Variants in RASSF2 observed in about 807,000 individuals in gnomAD.
The protein encoded by RASSF2 is ras association domain-containing protein 2.
A neutral mutation model predicts 46.3 loss-of-function variants in RASSF2; 34 were observed. That is an observed-to-expected ratio of 0.73 (90% CI 0.56 to 0.98). The LOEUF (loss-of-function observed/expected upper bound fraction) is 0.98. Among genes scored for constraint, RASSF2 ranks in the 50% least tolerant of loss-of-function variants. The pLI is 0.00. For synonymous variants in RASSF2, 158 were observed against 162.5 expected (o/e 0.97, Z 0.21); for missense variants, 364 against 431.2 (o/e 0.84, Z 1.38).
Position 4,790,518 on chromosome 20 carries a change from G to A in RASSF2, c.470C>T (p.Thr157Met), listed in dbSNP as rs149919336. 3.3e-5 allele frequency: 50 copies of A among 1,532,844 alleles called. No individual in the cohort carries two copies. Among genetic ancestry groups the A allele is most frequent in the East Asian group, 1.8e-4 (7 of 38,020 alleles). The allele number at this position is 1,532,844 out of a possible 1,614,324, so 95.0% of individuals were successfully genotyped here. A position where few individuals can be genotyped will look rare whatever the true frequency, so the allele number is the denominator to read the frequency against. The change falls in exon 7 of 12, where the codon ACG becomes ATG. Residue 157 changes from threonine (T) to methionine (M), a missense_variant. By Grantham distance (81) the Thr-to-Met change is moderately conservative (BLOSUM62 -1). Transcript: ENST00000379400. This position sits in a 1 kb window ranked among gnomAD's most constrained non-coding sequence, Gnocchi z 4.3. The stretch of plus-strand genomic sequence containing the variant: ...TCTGATTCGCCGCTGGTCACTAGGC[G>A]TCCTCACATTGCCACGGCGACGCAC... ...VGVRRRGNVR[T>M]PSDQRRIRRH...
chr20:4,796,081 G>A lies in RASSF2; in HGVS notation c.136-115C>T, dbSNP rs1336363163. Reference sequence around the variant, plus strand: ...TGTCCTGGCTGGGGGCCCCCAGACTGTATTCACAGGATAGGGGCAGCTGCC... The same window carrying A: ...TGTCCTGGCTGGGGGCCCCCAGACTATATTCACAGGATAGGGGCAGCTGCC... On this transcript the variant is annotated intron_variant, in intron 4 of 11. Coordinates refer to ENST00000379400, the MANE Select transcript of RASSF2 (RefSeq NM_014737.3). 1.1e-5 allele frequency: 13 copies of A among 1,145,410 alleles called. No homozygotes were observed. The East Asian group carries it at 2.7e-4, about 24-fold the overall frequency. 71.0% of individuals were successfully genotyped at this position (1,145,410 alleles called of 1,614,324 possible). A position where few individuals can be genotyped will look rare whatever the true frequency, so the allele number is the denominator to read the frequency against.
chr20:4,796,101 G>T, intron 4 of RASSF2, 135 bp from the exon 5 acceptor site: 1 of 896,030 alleles, frequency 1.1e-6, no homozygotes, highest in Non-Finnish European at 1.5e-6. Flanking sequence ...GATAGGGGCA[G>T]CTGCCCAGTT....
At chr20:4,818,639 C>G (rs1928488800) in intron 2 of RASSF2, among the ~76,000 whole-genome samples, 2 of 152,186 alleles carry the variant, frequency 1.3e-5, no homozygotes. Flanking sequence ...TCCCCCAAAG[C>G]CCCTACCAAG....
chr20:4,802,130 G>A (rs1475495668), intron 2 of RASSF2, among the ~76,000 whole-genome samples: 1 of 151,850 alleles, frequency 6.6e-6, no homozygotes, highest in Non-Finnish European at 1.5e-5. Flanking sequence ...GGAGTGCAGT[G>A]GCATGACCAT....
intron 8 of RASSF2, among the ~76,000 whole-genome samples, chr20:4,789,140 T>C (rs1302944242): frequency 6.6e-6 from 1 of 152,206 alleles, no homozygotes; most frequent in Non-Finnish European, 1.5e-5. Flanking sequence ...TCCTGCACTA[T>C]AATTTGCACG....
chr20:4,789,579 C>A lies in RASSF2; in HGVS notation c.639+17G>T. The A allele has an allele frequency of 6.2e-7, 1 of 1,609,556 alleles. No individual in the cohort carries two copies. Among genetic ancestry groups the A allele is most frequent in the South Asian group, 1.1e-5 (1 of 90,950 alleles). ...AGCTGTGACCCCATCTGTGGCCACT[C>A]AGCAAAGGGAACTTGCCTTAAATTT... On this transcript the variant is annotated intron_variant, in intron 8 of 11. Transcript: ENST00000379400.
chr20:4,796,802 C>T (rs913014235), intron 4 of RASSF2, among the ~76,000 whole-genome samples: 7 of 152,176 alleles, frequency 4.6e-5, no homozygotes. Flanking sequence ...TATTTAAGAA[C>T]TAAAATCTTG....
chr20:4,800,870 G>C (rs1926804710), intron 3 of RASSF2, 102 bp downstream of exon 3: 1 of 963,312 alleles, frequency 1.0e-6, no homozygotes, highest in Non-Finnish European at 1.7e-6. Flanking sequence ...CCACCAGTCT[G>C]ATATACAGTG....
chr20:4,780,721 CTT>C lies in RASSF2; in HGVS notation c.*3550_*3551del, dbSNP rs1601069070. On this transcript the variant is annotated 3_prime_UTR_variant, in exon 12 of 12. Transcript: ENST00000379400. The stretch of plus-strand genomic sequence containing the variant: ...GTGGCTCACGCCTGTAATCCCAACA[CTT>C]TGGGAGGCCTAGGCGGGTGGATCAC... 6.6e-6 allele frequency: 1 copy of C among 152,400 alleles called. No homozygotes were observed. Among genetic ancestry groups the C allele is most frequent in the African/African-American group, 2.4e-5 (1 of 41,578 alleles). 9.4% of individuals were successfully genotyped at this position (152,400 alleles called of 1,614,324 possible). A position where few individuals can be genotyped will look rare whatever the true frequency, so the allele number is the denominator to read the frequency against.
At chr20:4,809,775 G>A (rs908525758) in intron 2 of RASSF2, among the ~76,000 whole-genome samples, 4 of 152,182 alleles carry the variant, frequency 2.6e-5, no homozygotes, top group Non-Finnish European at 5.9e-5. Context: ...CGGGGGCAGT[G>A]GGAGGAGCTA....
At chr20:4,818,471 T>A (rs992773336) in intron 2 of RASSF2, among the ~76,000 whole-genome samples, 1 of 152,164 alleles carries the variant, frequency 6.6e-6, no homozygotes, top group Non-Finnish European at 1.5e-5. Context: ...CATGGCCCGA[T>A]GTGTGCTGGG....
In RASSF2 at chr20:4,790,916, C is replaced by A. The variant is rs1047022674; in HGVS notation, c.377-305G>T. ...ATATAAAATAGGGATAATAATAACA[C>A]CCACCTCAGAGGGTTGCTGAGGGTT... On this transcript the variant is annotated intron_variant, in intron 6 of 11. Coordinates refer to ENST00000379400, the MANE Select transcript of RASSF2 (RefSeq NM_014737.3). The surrounding 1 kb of genome is among the most constrained non-coding windows in gnomAD (Gnocchi z 4.3). 6.6e-6 allele frequency among the ~76,000 whole-genome samples: 1 copy of A among 152,130 alleles called. No individual in the cohort carries two copies. The highest frequency in any genetic ancestry group is 1.5e-5 in the Non-Finnish European group (1 of 68,024).
At position 4,792,614 on chromosome 20, in the gene RASSF2, G is replaced by A. The variant is rs1207761521; in HGVS notation, c.301C>T (p.Pro101Ser). 9.9e-6 allele frequency: 16 copies of A among 1,613,954 alleles called. No homozygotes were observed. The highest frequency in any genetic ancestry group is 1.4e-5 in the Non-Finnish European group (16 of 1,180,006). The change falls in exon 6 of 12, where the codon CCC becomes TCC. Residue 101 changes from proline to serine, a missense_variant. Physicochemically the swap from Pro to Ser is moderately conservative, Grantham distance 74. Transcript: ENST00000379400. ...ATCTGAACTTTGGGCACAGTCAGGGGCTTCAGAGTGGTTCTGGGAGTGGAG... is the reference window on the plus strand; with the variant it reads ...ATCTGAACTTTGGGCACAGTCAGGGACTTCAGAGTGGTTCTGGGAGTGGAG... ...NLGAQGTTLK[P>S]LTVPKVQISE...
At chr20:4,801,101 T>A in intron 2 of RASSF2, 39 bp from the exon 3 acceptor site, 1 of 1,551,692 alleles carries the variant, frequency 6.4e-7, no homozygotes, top group East Asian at 2.2e-5. Flanking sequence ...AAAGTCAAGT[T>A]GTGTGCTTGG....
rs566749765 is a variant in RASSF2, at chr20:4,798,780, C to T, written c.60-695G>A. On this transcript the variant is annotated intron_variant, in intron 3 of 11. Coordinates refer to ENST00000379400, the MANE Select transcript of RASSF2 (RefSeq NM_014737.3). ...GGCAGAGGTTGCAGTGAGCTGAGAT[C>T]GCGCCACTGCACTCCAGCCTGGGCA... is the stretch of plus-strand genomic sequence containing the variant. Among the ~76,000 whole-genome samples, 14 of 150,436 alleles carry T rather than the reference C, an allele frequency of 9.3e-5. 1 individual carries two copies. The highest frequency in any genetic ancestry group is 4.0e-4 in the Admixed American group (6 of 15,102).
rs985911584 is a variant in RASSF2 at position 4,783,129 on chromosome 20, T to G, written c.*1144A>C. Reference sequence around the variant, plus strand: ...CCCACACTCAGTAGCAAGATGAGGCTTCATTCTTGGAATGCATCTCCACAC... The same window carrying G: ...CCCACACTCAGTAGCAAGATGAGGCGTCATTCTTGGAATGCATCTCCACAC... On this transcript the variant is annotated 3_prime_UTR_variant, in exon 12 of 12. Coordinates refer to ENST00000379400, the MANE Select transcript of RASSF2 (RefSeq NM_014737.3). 6.6e-5 allele frequency: 10 copies of G among 152,268 alleles called. No homozygotes were observed. 9.4% of individuals were successfully genotyped at this position (152,268 alleles called of 1,614,324 possible).
chr20:4,789,176 T>A (rs1465595639), intron 8 of RASSF2, among the ~76,000 whole-genome samples: 2 of 152,178 alleles, frequency 1.3e-5, no homozygotes, highest in African/African-American at 2.4e-5. Flanking sequence ...TATTTCAAAG[T>A]AGGTTTCCCA....
chr20:4,786,308 G>T lies in RASSF2; in HGVS notation c.834C>A (p.Phe278Leu). Reference sequence around the variant, plus strand: ...TGAAGCTTTTAAGTACCGGCATCTCGAACTTTATATACTGGGCCACCTAGA... The same window carrying T: ...TGAAGCTTTTAAGTACCGGCATCTCTAACTTTATATACTGGGCCACCTAGA... Reference protein sequence around the residue: ...VTYDVAQYIKFEMPVLKSFIQ... With the variant: ...VTYDVAQYIKLEMPVLKSFIQ... The change falls in exon 11 of 12, where the codon TTC becomes TTA. Residue 278 changes from phenylalanine to leucine, a missense_variant. Transcript: ENST00000379400. The T allele has an allele frequency of 1.2e-6, 2 of 1,611,240 alleles. No homozygotes were observed. The highest frequency in any genetic ancestry group is 1.7e-6 in the Non-Finnish European group (2 of 1,177,458).
At chr20:4,810,175 C>T (rs2423025) in intron 2 of RASSF2, among the ~76,000 whole-genome samples, 4 of 152,012 alleles carry the variant, frequency 2.6e-5, no homozygotes, top group Non-Finnish European at 1.5e-5. Context: ...CCTAGGCTGC[C>T]GGAACGGGGT....
Sources: allele counts gnomAD v4.1 joint callset (sites outside exome capture counted in the v4.1 genomes callset), GRCh38; gene constraint gnomAD v4.1.1; non-coding constraint Gnocchi (gnomAD v3.1); transcripts MANE v1.5; gene names NCBI Gene and HGNC (gene_info 2026-07-23, HGNC 2026-07-21).